The following PLCG1 variants were observed in gnomAD, a reference collection of about 807,000 sequenced individuals.
PLCG1 encodes the protein 1-phosphatidylinositol 4,5-bisphosphate phosphodiesterase gamma-1.
Under a neutral mutation model 177.8 loss-of-function variants are expected in PLCG1, and 71 were observed. The ratio of observed to expected loss-of-function variants is 0.40; its 90% CI spans 0.33 to 0.49. The LOEUF is 0.49. Ranked by LOEUF, PLCG1 falls within the 20% of genes least tolerant of loss-of-function variation. The pLI is 0.72. For synonymous variants in PLCG1, 658 were observed against 647.9 expected (o/e 1.02, Z -0.24); for missense variants, 1,281 against 1,709.0 (o/e 0.75, Z 4.42).
intron 24 of PLCG1, among the ~76,000 whole-genome samples, chr20:41,171,344 T>C (rs1297823178): frequency 6.6e-6 from 1 of 151,968 alleles, no homozygotes; most frequent in Non-Finnish European, 1.5e-5. Flanking sequence ...CCCAGCACTT[T>C]GGGAGGCCGA....
At position 41,160,082 on chromosome 20, in the gene PLCG1, C is replaced by T; in HGVS notation, c.465-24C>T. 6.2e-7 allele frequency: 1 copy of T among 1,613,820 alleles called. No homozygotes were observed. Among genetic ancestry groups the T allele is most frequent in the East Asian group, 2.2e-5 (1 of 44,884 alleles). On this transcript the variant is annotated intron_variant, in intron 3 of 31. Coordinates refer to ENST00000685551, the MANE Select transcript of PLCG1 (RefSeq NM_002660.3). This position sits in a 1 kb window ranked among gnomAD's most constrained non-coding sequence, Gnocchi z 5.5. Reference sequence around the variant, plus strand: ...CCTGACTGTAGATGGAGAAGTGGCCCTCACCTCAGGCTTCTCTCTCCAGGT... The same window carrying T: ...CCTGACTGTAGATGGAGAAGTGGCCTTCACCTCAGGCTTCTCTCTCCAGGT...
chr20:41,137,735 G>T lies in PLCG1; in HGVS notation c.94G>T (p.Gly32Cys). ...GCACCTCTGCCGCAGCCTCGAGGTG[G>T]GCACCGTCATGACTTTGTTCTACTC... ...VLHLCRSLEVGTVMTLFYSKK... is the reference protein window; with the variant it reads ...VLHLCRSLEVCTVMTLFYSKK... Residue 32 changes from glycine (G) to cysteine (C), a missense_variant, in exon 1 of 32, where the codon GGC becomes TGC. Physicochemically the swap from Gly to Cys is radical, Grantham distance 159. Coordinates refer to ENST00000685551, the MANE Select transcript of PLCG1 (RefSeq NM_002660.3). The surrounding 1 kb of genome is among the most constrained non-coding windows in gnomAD (Gnocchi z 7.3). The T allele has an allele frequency of 7.6e-7, 1 of 1,318,484 alleles. No individual in the cohort carries two copies. The highest frequency in any genetic ancestry group is 2.4e-5 in the South Asian group (1 of 41,540). The allele number at this position is 1,318,484 out of a possible 1,614,324, so 81.7% of individuals were successfully genotyped here.
chr20:41,163,902 C>T lies in PLCG1; in HGVS notation c.1011-19C>T, dbSNP rs768796674. 6.2e-7 allele frequency: 1 copy of T among 1,612,546 alleles called. No individual in the cohort carries two copies. Among genetic ancestry groups the T allele is most frequent in the Non-Finnish European group, 8.5e-7 (1 of 1,178,592 alleles). ...GGGCCCATCTGACCATACCTACCTG[C>T]CTCTCCTTGCCTATCCAGGTACCTG... is the stretch of plus-strand genomic sequence containing the variant. On this transcript the variant is annotated intron_variant, in intron 10 of 31. Coordinates refer to ENST00000685551, the MANE Select transcript of PLCG1 (RefSeq NM_002660.3). The surrounding 1 kb of genome is among the most constrained non-coding windows in gnomAD (Gnocchi z 5.2).
intron 1 of PLCG1, among the ~76,000 whole-genome samples, chr20:41,141,558 G>T (rs891227172): frequency 6.6e-6 from 1 of 152,224 alleles, no homozygotes; most frequent in African/African-American, 2.4e-5. Flanking sequence ...GCCCAGGCCG[G>T]TGTCATCAAG....
chr20:41,141,999 A>G (rs1222127706), intron 1 of PLCG1, among the ~76,000 whole-genome samples: 1 of 152,254 alleles, frequency 6.6e-6, no homozygotes, highest in Non-Finnish European at 1.5e-5. Flanking sequence ...AATAAGTATT[A>G]TTATACCTCC....
At position 41,174,096 on chromosome 20, in the gene PLCG1, C is replaced by T. The variant is rs925243345; in HGVS notation, c.3646-28C>T. On this transcript the variant is annotated intron_variant, in intron 30 of 31. Coordinates refer to ENST00000685551, the MANE Select transcript of PLCG1 (RefSeq NM_002660.3). This position sits in a 1 kb window ranked among gnomAD's most constrained non-coding sequence, Gnocchi z 5.8. ...TCTAGAAGTGCAGAGGAGTCATTGACCCTCTTGTGCACCTGGCTTCGTTGA... is the reference window on the plus strand; with the variant it reads ...TCTAGAAGTGCAGAGGAGTCATTGATCCTCTTGTGCACCTGGCTTCGTTGA... 3.1e-6 allele frequency: 5 copies of T among 1,610,454 alleles called. No individual in the cohort carries two copies. Among genetic ancestry groups the T allele is most frequent in the Middle Eastern group, 3.3e-4 (2 of 6,054 alleles).
chr20:41,158,267 C>T (rs1301379460), intron 1 of PLCG1, among the ~76,000 whole-genome samples: 5 of 152,098 alleles, frequency 3.3e-5, no homozygotes, highest in Non-Finnish European at 7.4e-5. Flanking sequence ...GCTGGAAGGG[C>T]TCCTGGGGTG....
Position 41,170,117 on chromosome 20 carries a change from C to T in PLCG1, c.2656C>T (p.Arg886Cys), listed in dbSNP as rs548697219. 12 of 1,609,346 alleles carry T rather than the reference C, an allele frequency of 7.5e-6. No individual in the cohort carries two copies. The East Asian group carries it at 1.6e-4, about 21-fold the overall frequency. The change falls in exon 24 of 32, where the codon CGT (arginine) becomes TGT (cysteine). Residue 886 changes from arginine to cysteine, a missense_variant. Arg to Cys is a radical substitution (Grantham distance 180). Coordinates refer to ENST00000685551, the MANE Select transcript of PLCG1 (RefSeq NM_002660.3). ...ATCTGCTCTCGCCCTCCCAGCCATC[C>T]GTCCTGAGGGCAAGAACAACCGGCT... ...LDVPACQIAI[R>C]PEGKNNRLFV...
chr20:41,175,495 G>C lies in PLCG1; in HGVS notation c.*986G>C, dbSNP rs2036038743. ...GCCATCCTTGCTGCAGCTTCTAACT[G>C]GTAAAAAGATCCAGGGATGGAGATG... On this transcript the variant is annotated 3_prime_UTR_variant, in exon 32 of 32. Transcript: ENST00000685551. The C allele has an allele frequency of 6.6e-6, 1 of 152,500 alleles. No individual in the cohort carries two copies. The highest frequency in any genetic ancestry group is 1.5e-5 in the Non-Finnish European group (1 of 68,036). 9.4% of individuals were successfully genotyped at this position (152,500 alleles called of 1,614,324 possible).
chr20:41,156,311 T>G lies in PLCG1; in HGVS notation c.218-3295T>G, dbSNP rs747777508. 1.3e-5 allele frequency among the ~76,000 whole-genome samples: 2 copies of G among 152,096 alleles called. No homozygotes were observed. Among genetic ancestry groups the G allele is most frequent in the Non-Finnish European group, 1.5e-5 (1 of 68,018 alleles). On this transcript the variant is annotated intron_variant, in intron 1 of 31. Transcript: ENST00000685551. This position sits in a 1 kb window ranked among gnomAD's most constrained non-coding sequence, Gnocchi z 5.0. Reference sequence around the variant, plus strand: ...GGCCATTCCTGAAGCCCAGGCAGCATTCACTGTGGGCTTGGGGACATGGTG... The same window carrying G: ...GGCCATTCCTGAAGCCCAGGCAGCAGTCACTGTGGGCTTGGGGACATGGTG...
At chr20:41,140,552 G>A (rs2034789346) in intron 1 of PLCG1, among the ~76,000 whole-genome samples, 2 of 152,164 alleles carry the variant, frequency 1.3e-5, no homozygotes, top group Non-Finnish European at 2.9e-5. Context: ...TGTGGTTTAA[G>A]GAGCACTCAT....
In PLCG1 at chr20:41,144,921, G is replaced by A. The variant is rs1032278655; in HGVS notation, c.217+7063G>A. Among the ~76,000 whole-genome samples the A allele has an allele frequency of 6.6e-6, 1 of 152,012 alleles. No individual in the cohort carries two copies. Among genetic ancestry groups the A allele is most frequent in the African/African-American group, 2.4e-5 (1 of 41,372 alleles). ...GTGGCTCATTGAATAAGTGAGAGAC[G>A]ACTTGTGCTTCCCTGGCTTTAGACT... On this transcript the variant is annotated intron_variant, in intron 1 of 31. Coordinates refer to ENST00000685551, the MANE Select transcript of PLCG1 (RefSeq NM_002660.3). This position sits in a 1 kb window ranked among gnomAD's most constrained non-coding sequence, Gnocchi z 4.1.
Position 41,159,515 on chromosome 20 carries a change from A to T in PLCG1, c.218-91A>T, listed in dbSNP as rs1365825221. 6 of 1,312,508 alleles carry T rather than the reference A, an allele frequency of 4.6e-6. No homozygotes were observed. The Admixed American group carries it at 6.0e-5, about 13-fold the overall frequency. 81.3% of individuals were successfully genotyped at this position (1,312,508 alleles called of 1,614,324 possible). On this transcript the variant is annotated intron_variant, in intron 1 of 31. Coordinates refer to ENST00000685551, the MANE Select transcript of PLCG1 (RefSeq NM_002660.3). This position sits in a 1 kb window ranked among gnomAD's most constrained non-coding sequence, Gnocchi z 6.0. ...CCTCTGGGGTTCCTCCCTGAGAGAG[A>T]GTGTAAGAATGAGGAAACCAGGCTG...
Position 41,157,624 on chromosome 20 carries a change from G to C in PLCG1, c.218-1982G>C, listed in dbSNP as rs1387167184. Among the ~76,000 whole-genome samples, 1 of 152,188 alleles carries C rather than the reference G, an allele frequency of 6.6e-6. No homozygotes were observed. The highest frequency in any genetic ancestry group is 2.4e-5 in the African/African-American group (1 of 41,440). ...TGTATGTACGTGTTTGTATGCACGA[G>C]GCATCAAGTGTATTAGTACCACAGG... On this transcript the variant is annotated intron_variant, in intron 1 of 31. Coordinates refer to ENST00000685551, the MANE Select transcript of PLCG1 (RefSeq NM_002660.3). The surrounding 1 kb of genome is among the most constrained non-coding windows in gnomAD (Gnocchi z 5.4).
rs1462027090 is a variant in PLCG1 at position 41,153,584 on chromosome 20, G to A, written c.218-6022G>A. Among the ~76,000 whole-genome samples the A allele has an allele frequency of 6.6e-6, 1 of 152,168 alleles. No homozygotes were observed. Among genetic ancestry groups the A allele is most frequent in the Non-Finnish European group, 1.5e-5 (1 of 68,034 alleles). ...AAAGTGAGCGTATGCACTTTATAAA[G>A]GGAAAACCCTCTCTGAAGAGAAATA... On this transcript the variant is annotated intron_variant, in intron 1 of 31. Coordinates refer to ENST00000685551, the MANE Select transcript of PLCG1 (RefSeq NM_002660.3). The surrounding 1 kb of genome is among the most constrained non-coding windows in gnomAD (Gnocchi z 5.1).
At chr20:41,139,299 T>C (rs1341235679) in intron 1 of PLCG1, among the ~76,000 whole-genome samples, 1 of 152,110 alleles carries the variant, frequency 6.6e-6, no homozygotes, top group Non-Finnish European at 1.5e-5. Flanking sequence ...AAAGGAAGAA[T>C]CGACACTGCA....
At chr20:41,141,560 G>A (rs2034828036) in intron 1 of PLCG1, among the ~76,000 whole-genome samples, 1 of 152,242 alleles carries the variant, frequency 6.6e-6, no homozygotes, top group Non-Finnish European at 1.5e-5. Context: ...CCAGGCCGGT[G>A]TCATCAAGGG....
intron 1 of PLCG1, among the ~76,000 whole-genome samples, chr20:41,141,379 G>A (rs2034819973): frequency 6.6e-6 from 1 of 152,274 alleles, no homozygotes; most frequent in South Asian, 2.1e-4. Context: ...TTGATGAAGA[G>A]GGTGAGGGTG....
Position 41,163,543 on chromosome 20 carries a change from C to T in PLCG1, c.891+64C>T, listed in dbSNP as rs888138405. On this transcript the variant is annotated intron_variant, in intron 9 of 31. Transcript: ENST00000685551. This position sits in a 1 kb window ranked among gnomAD's most constrained non-coding sequence, Gnocchi z 5.2. ...GAGTAGGGGTGACCAGGACCCCACC[C>T]GGGCTCCAGGAGCTAGACGCTCCTT... 1.7e-5 allele frequency: 21 copies of T among 1,267,984 alleles called. No homozygotes were observed. Among genetic ancestry groups the T allele is most frequent in the Non-Finnish European group, 2.2e-5 (19 of 869,760 alleles). 78.5% of individuals were successfully genotyped at this position (1,267,984 alleles called of 1,614,324 possible).
Sources: gnomAD v4.1 joint callset for allele counts (sites outside exome capture counted in the v4.1 genomes callset) on GRCh38, gnomAD v4.1.1 for gene constraint, Gnocchi (gnomAD v3.1) non-coding constraint, MANE v1.5 for transcripts, NCBI Gene and HGNC (gene_info 2026-07-23, HGNC 2026-07-21) for gene names.